NAV2: variants seen among roughly 807,000 people sequenced by gnomAD.
NAV2 encodes helicase, APC down-regulated 1.
Under a neutral mutation model 223.2 loss-of-function variants are expected in NAV2, and 54 were observed. That is an observed-to-expected ratio of 0.24 (90% CI 0.19 to 0.30). The LOEUF is 0.30. NAV2 is among the 10% of genes least tolerant of loss of function. The probability of loss-of-function intolerance (pLI) is 1.00; values close to 1 mark genes in which losing one functional copy is unlikely to be tolerated. For synonymous variants in NAV2, 1,279 were observed against 1,239.3 expected, an observed-to-expected ratio of 1.03 and a Z score of -0.67; for missense variants, 2,806 against 3,147.5, an observed-to-expected ratio of 0.89 and a Z score of 2.60.
intron 1 of NAV2, among the ~76,000 whole-genome samples, chr11:19,790,554 G>GC (rs1293629569): frequency 6.6e-6 from 1 of 152,184 alleles, no homozygotes; most frequent in Non-Finnish European, 1.5e-5. Flanking sequence ...TTTCATTGTT[G>GC]TGAAACTGCT....
chr11:19,743,377 T>C (rs907535835), intron 1 of NAV2, among the ~76,000 whole-genome samples: 7 of 152,186 alleles, frequency 4.6e-5, no homozygotes, highest in Non-Finnish European at 1.5e-5. Context: ...AAGGAATGGA[T>C]ATGAGCTACT....
intron 1 of NAV2, among the ~76,000 whole-genome samples, chr11:19,679,472 C>G (rs11025211): frequency 0.74 from 108,900 of 147,088 alleles, 44,706 homozygotes; most frequent in Non-Finnish European, 0.91. Flanking sequence ...TTTTGCCCCT[C>G]TGTTTTTTCT....
chr11:19,704,971 A>C (rs2049616820), intron 1 of NAV2, among the ~76,000 whole-genome samples: 1 of 150,042 alleles, frequency 6.7e-6, no homozygotes. Flanking sequence ...AGATCATGCC[A>C]CTGCACTCCA....
chr11:19,860,489 C>T lies in NAV2; in HGVS notation c.439-8436C>T, dbSNP rs1005389264. On this transcript the variant is annotated intron_variant, in intron 3 of 37. Transcript: ENST00000349880. ...AGATGGGATGGCAGCCTGGAAGAGG[C>T]GCTCCTCACTTCCTAGATGGGATGG... is the stretch of plus-strand genomic sequence containing the variant. Among the ~76,000 whole-genome samples the T allele has an allele frequency of 1.9e-4, 29 of 151,014 alleles. No homozygotes were observed. In the East Asian group the frequency reaches 3.4e-3, roughly 17 times the overall value.
chr11:19,592,159 T>C (rs757454341), intron 1 of NAV2, among the ~76,000 whole-genome samples: 38 of 152,284 alleles, frequency 2.5e-4, no homozygotes, highest in Non-Finnish European at 5.1e-4. Context: ...TTGTTGCTCA[T>C]TCAGCGCCTA....
At chr11:20,040,831 A>G (rs936231176) in intron 12 of NAV2, among the ~76,000 whole-genome samples, 4 of 152,178 alleles carry the variant, frequency 2.6e-5, no homozygotes, top group African/African-American at 9.7e-5. Flanking sequence ...CGCTGTTGCG[A>G]GCTCCAGGAA....
Position 19,444,563 on chromosome 11 carries a change from T to G in NAV2, c.75+93536T>G, listed in dbSNP as rs567793193. Among the ~76,000 whole-genome samples the G allele has an allele frequency of 2.1e-3, 319 of 152,256 alleles. 1 individual carries two copies. Among genetic ancestry groups the G allele is most frequent in the African/African-American group, 7.0e-3 (289 of 41,550 alleles). ...AATGGCTGTAGAACCGGCCCCCCAC[T>G]GCCCACCTGCTCCTCCCCTCACTCT... On this transcript the variant is annotated intron_variant, in intron 1 of 37. Coordinates refer to the NAV2 transcript ENST00000360655.
At chr11:19,443,975 G>A (rs1026682170) in intron 1 of NAV2, among the ~76,000 whole-genome samples, 1 of 152,106 alleles carries the variant, frequency 6.6e-6, no homozygotes, top group African/African-American at 2.4e-5. Flanking sequence ...CTGTTGCCAA[G>A]CTGGAGTGGA....
chr11:20,008,491 C>G (rs533085952), intron 11 of NAV2, among the ~76,000 whole-genome samples: 2 of 152,302 alleles, frequency 1.3e-5, no homozygotes, highest in South Asian at 4.1e-4. Context: ...CCCTTAACAG[C>G]CAAACAGAGA....
At chr11:19,588,948 G>A (rs1479612055) in intron 1 of NAV2, among the ~76,000 whole-genome samples, 1 of 152,178 alleles carries the variant, frequency 6.6e-6, no homozygotes, top group Non-Finnish European at 1.5e-5. Flanking sequence ...TTGGTAGATG[G>A]CTGGGGTTCT....
intron 8 of NAV2, among the ~76,000 whole-genome samples, chr11:19,946,093 G>A (rs1040939497): frequency 2.0e-5 from 3 of 152,210 alleles, no homozygotes; most frequent in Non-Finnish European, 4.4e-5. Context: ...ACCTGAGCAT[G>A]TCTCTGTTGG....
chr11:20,091,244 C>T (rs1344040534), intron 27 of NAV2, among the ~76,000 whole-genome samples: 1 of 152,202 alleles, frequency 6.6e-6, no homozygotes, highest in Non-Finnish European at 1.5e-5. Context: ...GGTGACTCCC[C>T]TGGTGCCTGT....
rs777433838 is a variant in NAV2, at chr11:19,946,432, A to G, written c.2178A>G (p.Thr726=). ...ATCCTGAGGCTCGGCGGCTGCGGAC[A>G]GTGAAGAACATCGCTGATCTGCGGC... is the stretch of plus-strand genomic sequence containing the variant. ...GEDPEARRLR[T]VKNIADLRQN... is the part of the protein sequence containing the mutation. Residue 726 remains threonine, a synonymous_variant, in exon 9 of 38, where the codon ACA becomes ACG. Transcript: ENST00000349880. 3 of 1,613,414 alleles carry G rather than the reference A, an allele frequency of 1.9e-6. No homozygotes were observed. The highest frequency in any genetic ancestry group is 1.7e-5 in the Admixed American group (1 of 59,904).
At chr11:19,833,742 C>G (rs2060077465) in intron 2 of NAV2, among the ~76,000 whole-genome samples, 1 of 152,180 alleles carries the variant, frequency 6.6e-6, no homozygotes, top group Non-Finnish European at 1.5e-5. Flanking sequence ...GGGTTGCATT[C>G]TCATCTGGAG....
intron 11 of NAV2, among the ~76,000 whole-genome samples, chr11:20,023,957 A>C (rs1053757858): frequency 1.3e-5 from 2 of 152,178 alleles, no homozygotes; most frequent in African/African-American, 4.8e-5. Flanking sequence ...TTCAATTTTG[A>C]AAATCACCAG....
chr11:20,019,318 C>T (rs747113500), intron 11 of NAV2, among the ~76,000 whole-genome samples: 2 of 152,044 alleles, frequency 1.3e-5, no homozygotes, highest in East Asian at 1.9e-4. Context: ...TGGATTACAT[C>T]GGAGGCAAGA....
chr11:19,942,104 A>C (rs1394439804), intron 8 of NAV2, among the ~76,000 whole-genome samples: 3 of 152,202 alleles, frequency 2.0e-5, no homozygotes, highest in African/African-American at 7.2e-5. Context: ...CTAAAGTTTT[A>C]AGACCTCTCC....
intron 10 of NAV2, among the ~76,000 whole-genome samples, chr11:19,958,765 A>G (rs2048107807): frequency 6.6e-6 from 1 of 152,158 alleles, no homozygotes; most frequent in South Asian, 2.1e-4. Flanking sequence ...CTCACAGGAT[A>G]AACAAGGGCC....
At chr11:19,914,364 G>A (rs539343616) in intron 6 of NAV2, among the ~76,000 whole-genome samples, 5 of 152,186 alleles carry the variant, frequency 3.3e-5, no homozygotes, top group African/African-American at 4.8e-5. Context: ...TACAGGTCAT[G>A]TATCTTCATT....
Sources: allele counts gnomAD v4.1 joint callset (sites outside exome capture counted in the v4.1 genomes callset), GRCh38; gene constraint gnomAD v4.1.1; transcripts MANE v1.5; gene names NCBI Gene and HGNC (gene_info 2026-07-23, HGNC 2026-07-21).